The following NEBL variants were observed in gnomAD, a reference collection of about 807,000 sequenced individuals.
NEBL encodes LIM and SH3 protein 2.
A neutral mutation model predicts 140.2 loss-of-function variants in NEBL; 122 were observed. The ratio of observed to expected loss-of-function variants is 0.87; its 90% CI spans 0.75 to 1.01. NEBL has a LOEUF of 1.01. Ranked by LOEUF, NEBL falls within the 50% of genes least tolerant of loss-of-function variation. NEBL has a pLI of 0.00. For missense variants in NEBL, 1,365 were observed against 1,231.3 expected, an observed-to-expected ratio of 1.11 and a Z score of -1.62; for synonymous variants, 436 against 398.9, an observed-to-expected ratio of 1.09 and a Z score of -1.11.
At chr10:21,228,021 A>G (rs1197641297) in intron 3 of NEBL, among the ~76,000 whole-genome samples, 2 of 152,074 alleles carry the variant, frequency 1.3e-5, no homozygotes, top group African/African-American at 2.4e-5. Flanking sequence ...CAGAATTAGA[A>G]TAACAGAGAA....
chr10:21,138,247 G>A (rs980751458), intron 2 of NEBL, among the ~76,000 whole-genome samples: 1 of 152,110 alleles, frequency 6.6e-6, no homozygotes, highest in African/African-American at 2.4e-5. Flanking sequence ...TGTTCCACTG[G>A]AAATTTCCAA....
chr10:20,999,518 G>A (rs1277626495), intron 3 of NEBL, among the ~76,000 whole-genome samples: 1 of 152,182 alleles, frequency 6.6e-6, no homozygotes, highest in Non-Finnish European at 1.5e-5. Flanking sequence ...AAGATCACTT[G>A]AGCCCAGGAG....
intron 9 of NEBL, among the ~76,000 whole-genome samples, chr10:20,855,656 T>C (rs1842997896): frequency 6.6e-6 from 1 of 152,126 alleles, no homozygotes; most frequent in African/African-American, 2.4e-5. Flanking sequence ...AATATATATT[T>C]CTTAATTTAT....
At chr10:20,939,048 G>T (rs529041870) in intron 4 of NEBL, among the ~76,000 whole-genome samples, 56 of 152,280 alleles carry the variant, frequency 3.7e-4, no homozygotes, top group African/African-American at 1.2e-3. Flanking sequence ...CCCCAATCTA[G>T]CAAGGCAGGC....
At chr10:20,807,993 A>G (rs1319766077) in intron 26 of NEBL, among the ~76,000 whole-genome samples, 2 of 151,894 alleles carry the variant, frequency 1.3e-5, no homozygotes, top group South Asian at 2.1e-4. Context: ...AAAAAAAAAA[A>G]AAACCCTCTC....
At chr10:20,839,874 A>G (rs1387936948) in intron 13 of NEBL, among the ~76,000 whole-genome samples, 1 of 152,056 alleles carries the variant, frequency 6.6e-6, no homozygotes, top group Non-Finnish European at 1.5e-5. Context: ...TTATCCTTTT[A>G]TTAAGTGGGT....
chr10:21,234,543 C>T (rs1842322924), intron 3 of NEBL, among the ~76,000 whole-genome samples: 1 of 152,154 alleles, frequency 6.6e-6, no homozygotes. Context: ...AACCTCTTTT[C>T]ATTATAAATT....
chr10:20,943,527 C>T (rs1055236895), intron 4 of NEBL, among the ~76,000 whole-genome samples: 5 of 152,016 alleles, frequency 3.3e-5, no homozygotes, highest in African/African-American at 1.2e-4. Context: ...CAACATGGCA[C>T]ATGTATACAT....
chr10:21,028,172 A>G (rs1833592487), intron 2 of NEBL, among the ~76,000 whole-genome samples: 1 of 146,342 alleles, frequency 6.8e-6, no homozygotes, highest in Non-Finnish European at 1.5e-5. Flanking sequence ...GGTAGCAGTA[A>G]GCTGAGATTG....
intron 1 of NEBL, among the ~76,000 whole-genome samples, chr10:21,271,606 A>T (rs1361609233): frequency 2.0e-5 from 3 of 151,218 alleles, no homozygotes; most frequent in South Asian, 2.1e-4. Context: ...GCTCACTGCA[A>T]CCTCCACCTC....
At chr10:20,982,229 C>G (rs892676490) in intron 3 of NEBL, among the ~76,000 whole-genome samples, 1 of 152,170 alleles carries the variant, frequency 6.6e-6, no homozygotes, top group African/African-American at 2.4e-5. Context: ...GAAACATCGT[C>G]AAATGTTGTT....
At chr10:21,096,190 C>T (rs111302888) in intron 2 of NEBL, among the ~76,000 whole-genome samples, 1,577 of 152,314 alleles carry the variant, frequency 0.01, 32 homozygotes, top group African/African-American at 0.033. Flanking sequence ...ACAAACACTA[C>T]TGTGGACTTC....
intron 3 of NEBL, among the ~76,000 whole-genome samples, chr10:21,205,595 T>G (rs1747652804): frequency 6.6e-6 from 1 of 152,134 alleles, no homozygotes; most frequent in South Asian, 2.1e-4. Flanking sequence ...TTATTACATC[T>G]TGGACAAAAT....
chr10:20,865,685 C>T (rs1439288217), intron 7 of NEBL, among the ~76,000 whole-genome samples: 2 of 152,160 alleles, frequency 1.3e-5, no homozygotes, highest in Non-Finnish European at 2.9e-5. Context: ...AGCTTAGAGT[C>T]ACCGCCCTTT....
At chr10:21,145,031 G>A (rs1347657245) in intron 2 of NEBL, among the ~76,000 whole-genome samples, 2 of 149,446 alleles carry the variant, frequency 1.3e-5, no homozygotes, top group African/African-American at 4.9e-5. Flanking sequence ...AGTAAAAATG[G>A]CAAAAAAATA....
chr10:21,240,943 CACAA>C (rs1842430869), intron 3 of NEBL, among the ~76,000 whole-genome samples: 1 of 150,668 alleles, frequency 6.6e-6, no homozygotes, highest in African/African-American at 2.5e-5. Flanking sequence ...CACACACACA[CACAA>C]AACCAGTATC....
At chr10:21,057,469 G>T (rs1457322823) in intron 2 of NEBL, among the ~76,000 whole-genome samples, 1 of 147,200 alleles carries the variant, frequency 6.8e-6, no homozygotes, top group Non-Finnish European at 1.5e-5. Context: ...AGAGGTAAAG[G>T]TTACTACAAA....
chr10:21,037,025 TG>T (rs1428170018), intron 2 of NEBL, among the ~76,000 whole-genome samples: 2 of 152,138 alleles, frequency 1.3e-5, no homozygotes, highest in South Asian at 2.1e-4. Context: ...GAAGCTGGTC[TG>T]TTGACACCCC....
intron 4 of NEBL, among the ~76,000 whole-genome samples, chr10:20,902,331 G>A (rs1334095617): frequency 6.6e-6 from 1 of 152,012 alleles, no homozygotes; most frequent in African/African-American, 2.4e-5. Context: ...GCGTGAACCT[G>A]GGAGGCAGAG....
Sources: gnomAD v4.1 joint callset for allele counts (sites outside exome capture counted in the v4.1 genomes callset) on GRCh38, gnomAD v4.1.1 for gene constraint, MANE v1.5 for transcripts, NCBI Gene and HGNC (gene_info 2026-07-23, HGNC 2026-07-21) for gene names.